Variants in CMIP observed in about 807,000 individuals in gnomAD.
CMIP encodes the protein c-Maf inducing protein.
In CMIP, 13 loss-of-function variants were observed where a neutral mutation model predicts 97.3. That is an observed-to-expected ratio of 0.13 (90% CI 0.09 to 0.21). The LOEUF is 0.21. CMIP is among the 10% of genes least tolerant of loss of function. The probability of loss-of-function intolerance (pLI) is 1.00; values close to 1 mark genes in which losing one functional copy is unlikely to be tolerated. For missense variants in CMIP, 847 were observed against 1,024.9 expected (o/e 0.83, Z 2.37); for synonymous variants, 538 against 436.3 (o/e 1.23, Z -2.91).
At position 81,453,114 on chromosome 16, in the gene CMIP, C is replaced by T. The variant is rs907619584; in HGVS notation, c.300+7573C>T. Among the ~76,000 whole-genome samples the T allele has an allele frequency of 3.9e-5, 6 of 152,114 alleles. No homozygotes were observed. The highest frequency in any genetic ancestry group is 1.4e-4 in the African/African-American group (6 of 41,404). ...GAGGAAGGGGTGAGGGGAAGTGTGTCGGCAAAGACCCTTGCAGCTGGCTCA... is the reference window on the plus strand; with the variant it reads ...GAGGAAGGGGTGAGGGGAAGTGTGTTGGCAAAGACCCTTGCAGCTGGCTCA... On this transcript the variant is annotated intron_variant, in intron 1 of 20. Coordinates refer to ENST00000537098, the MANE Select transcript of CMIP (RefSeq NM_198390.3). This position sits in a 1 kb window ranked among gnomAD's most constrained non-coding sequence, Gnocchi z 4.0.
chr16:81,681,541 C>A (rs191062616), intron 10 of CMIP, among the ~76,000 whole-genome samples: 1 of 152,192 alleles, frequency 6.6e-6, no homozygotes, highest in Non-Finnish European at 1.5e-5. Context: ...GAGTGCCTGG[C>A]GCAGAGCAGA....
chr16:81,708,372 G>A (rs1428267950), intron 20 of CMIP, among the ~76,000 whole-genome samples: 2 of 152,200 alleles, frequency 1.3e-5, no homozygotes, highest in Non-Finnish European at 2.9e-5. Context: ...GGGATTTCTG[G>A]GCACACTCGT....
chr16:81,667,799 A>AGTGTGTGTGTGTGTGTGT (rs71146027), intron 7 of CMIP, among the ~76,000 whole-genome samples: 1 of 58,094 alleles, frequency 1.7e-5, no homozygotes, highest in African/African-American at 7.0e-5. Context: ...AGAGAGAGAG[A>AGTGTGTGTGTGTGTGTGT]GTGTGTGTGT....
At chr16:81,686,885 C>T (rs1233608660) in intron 10 of CMIP, among the ~76,000 whole-genome samples, 1 of 152,148 alleles carries the variant, frequency 6.6e-6, no homozygotes, top group Non-Finnish European at 1.5e-5. Context: ...GGTAGGGGTC[C>T]CGGGACCACC....
intron 1 of CMIP, among the ~76,000 whole-genome samples, chr16:81,580,265 C>G (rs994182417): frequency 2.6e-5 from 4 of 152,134 alleles, no homozygotes; most frequent in Middle Eastern, 3.2e-3. Flanking sequence ...ATCAGAGAAG[C>G]GAGGTGCCCT....
At chr16:81,707,933 G>T (rs1295235475) in intron 20 of CMIP, among the ~76,000 whole-genome samples, 1 of 152,252 alleles carries the variant, frequency 6.6e-6, no homozygotes, top group African/African-American at 2.4e-5. Context: ...GGAATCCCCC[G>T]GCAGCCCTTG....
chr16:81,544,735 G>C (rs2150844806), intron 1 of CMIP, among the ~76,000 whole-genome samples: 1 of 152,126 alleles, frequency 6.6e-6, no homozygotes, highest in South Asian at 2.1e-4. Flanking sequence ...ATGTGCATGT[G>C]TGTGTGTGCG....
At chr16:81,594,780 A>ATTT (rs570057427) in intron 1 of CMIP, among the ~76,000 whole-genome samples, 5 of 115,046 alleles carry the variant, frequency 4.3e-5, no homozygotes, top group African/African-American at 1.0e-4. Flanking sequence ...CGCCCAGCTA[A>ATTT]TTTTTTTTTT....
At chr16:81,576,631 G>A (rs189988201) in intron 1 of CMIP, among the ~76,000 whole-genome samples, 342 of 152,228 alleles carry the variant, frequency 2.2e-3, no homozygotes, top group African/African-American at 8.1e-3. Flanking sequence ...TTGAATGTCA[G>A]CACCCCGTTA....
chr16:81,617,828 C>T (rs2091940242), intron 2 of CMIP, among the ~76,000 whole-genome samples: 1 of 152,226 alleles, frequency 6.6e-6, no homozygotes, highest in Non-Finnish European at 1.5e-5. Context: ...TCCTGGTGCT[C>T]CAGGCCACAG....
intron 2 of CMIP, chr16:81,610,449 G>T (rs1278219721): frequency 3.0e-6 from 3 of 986,056 alleles, no homozygotes; most frequent in Non-Finnish European, 3.6e-6. Context: ...AGGAGGAGGC[G>T]GCTTGCAACT....
At chr16:81,668,106 T>G in intron 7 of CMIP, among the ~76,000 whole-genome samples, 1 of 151,218 alleles carries the variant, frequency 6.6e-6, no homozygotes, top group African/African-American at 2.4e-5. Context: ...CTGAGGGGGG[T>G]CTCTATTTCT....
chr16:81,702,201 C>T (rs1188807383), intron 16 of CMIP, among the ~76,000 whole-genome samples: 1 of 152,178 alleles, frequency 6.6e-6, no homozygotes, highest in African/African-American at 2.4e-5. Context: ...GCCTTCTGAT[C>T]TCCTGGAGCA....
chr16:81,654,551 G>C (rs993628366), intron 4 of CMIP, among the ~76,000 whole-genome samples: 1 of 152,246 alleles, frequency 6.6e-6, no homozygotes, highest in Non-Finnish European at 1.5e-5. Flanking sequence ...CTACTTTACT[G>C]AAGAGAGCTG....
chr16:81,658,835 A>G (rs2092513860), intron 5 of CMIP, among the ~76,000 whole-genome samples: 1 of 152,250 alleles, frequency 6.6e-6, no homozygotes, highest in Admixed American at 6.5e-5. Context: ...GAACAAGAGC[A>G]GCATCAGTCA....
At chr16:81,475,947 A>G in intron 1 of CMIP, 1 of 430,608 alleles carries the variant, frequency 2.3e-6, no homozygotes, top group East Asian at 5.5e-5. Context: ...AGATTGCTCC[A>G]CTGCGCTCCA....
intron 6 of CMIP, among the ~76,000 whole-genome samples, chr16:81,662,778 G>C (rs963767322): frequency 2.0e-5 from 3 of 152,194 alleles, no homozygotes; most frequent in Non-Finnish European, 2.9e-5. Context: ...TTCCTTTCCA[G>C]TATGAAAAAC....
chr16:81,504,206 A>G (rs1029804445), intron 1 of CMIP, among the ~76,000 whole-genome samples: 1 of 152,086 alleles, frequency 6.6e-6, no homozygotes, highest in Non-Finnish European at 1.5e-5. Context: ...GGCGCCAGTA[A>G]TCCCAAGTAC....
At chr16:81,597,069 G>C (rs764411564) in intron 1 of CMIP, among the ~76,000 whole-genome samples, 1 of 152,170 alleles carries the variant, frequency 6.6e-6, no homozygotes, top group Non-Finnish European at 1.5e-5. Flanking sequence ...ATGGTCATTT[G>C]GGTAGTTTCT....
Sources: gnomAD v4.1 joint callset for allele counts (sites outside exome capture counted in the v4.1 genomes callset) on GRCh38, gnomAD v4.1.1 for gene constraint, Gnocchi (gnomAD v3.1) non-coding constraint, MANE v1.5 for transcripts, NCBI Gene and HGNC (gene_info 2026-07-23, HGNC 2026-07-21) for gene names.